Variants in SCUBE1 observed in about 807,000 individuals in gnomAD.
SCUBE1 encodes signal peptide, CUB domain and EGF like domain containing 1, also known as signal peptide, CUB and EGF-like domain-containing protein 1.
Under a neutral mutation model 124.4 loss-of-function variants are expected in SCUBE1, and 59 were observed. The ratio of observed to expected loss-of-function variants is 0.47; its 90% CI spans 0.38 to 0.59. The LOEUF is 0.59. SCUBE1 is among the 20% of genes least tolerant of loss of function. The pLI, the probability that SCUBE1 is intolerant of heterozygous loss-of-function variation, is 0.00. For synonymous variants in SCUBE1, 545 were observed against 550.9 expected (o/e 0.99, Z 0.15); for missense variants, 1,150 against 1,371.2 (o/e 0.84, Z 2.55).
At chr22:43,341,105 A>G (rs1297505850) in intron 1 of SCUBE1, among the ~76,000 whole-genome samples, 1 of 152,060 alleles carries the variant, frequency 6.6e-6, no homozygotes, top group Non-Finnish European at 1.5e-5. Context: ...ACACACATGC[A>G]TGCACGTGTG....
intron 8 of SCUBE1, among the ~76,000 whole-genome samples, chr22:43,231,112 TTCCTTGTGGTC>T (rs1922534446): frequency 6.6e-6 from 1 of 152,100 alleles, no homozygotes; most frequent in South Asian, 2.1e-4. Flanking sequence ...CCCCACCAAG[TTCCTTGTGGTC>T]CCCTAAACCT....
At chr22:43,333,232 A>G (rs1181420107) in intron 2 of SCUBE1, among the ~76,000 whole-genome samples, 1 of 152,186 alleles carries the variant, frequency 6.6e-6, no homozygotes, top group Non-Finnish European at 1.5e-5. Context: ...AGATTCAATC[A>G]AGAAAACAGT....
chr22:43,295,949 G>GC (rs1444983753), intron 3 of SCUBE1, among the ~76,000 whole-genome samples: 1 of 152,152 alleles, frequency 6.6e-6, no homozygotes, highest in Non-Finnish European at 1.5e-5. Flanking sequence ...CCTGGAGGAG[G>GC]CGGAGGTGTT....
intron 7 of SCUBE1, among the ~76,000 whole-genome samples, chr22:43,236,442 C>A (rs1922764660): frequency 1.3e-5 from 2 of 152,228 alleles, no homozygotes; most frequent in Admixed American, 1.3e-4. Context: ...AGCAGCTGTG[C>A]CTGGCTGTTG....
chr22:43,262,300 GA>G (rs1923900629), intron 5 of SCUBE1, among the ~76,000 whole-genome samples: 1 of 152,104 alleles, frequency 6.6e-6, no homozygotes, highest in Non-Finnish European at 1.5e-5. Flanking sequence ...TTTGGTCCCG[GA>G]AAAAAGGTCA....
chr22:43,301,340 A>G (rs141366233), intron 3 of SCUBE1, among the ~76,000 whole-genome samples: 2,011 of 151,902 alleles, frequency 0.013, 47 homozygotes, highest in African/African-American at 0.046. Flanking sequence ...CATAAACATG[A>G]ACTCCCTTTC....
intron 3 of SCUBE1, among the ~76,000 whole-genome samples, chr22:43,308,364 A>C (rs1926051804): frequency 1.3e-5 from 2 of 152,218 alleles, no homozygotes; most frequent in South Asian, 4.1e-4. Flanking sequence ...ATAACGAAAG[A>C]GACCAGGAAG....
chr22:43,339,217 T>G lies in SCUBE1; in HGVS notation c.107A>C (p.Glu36Ala), dbSNP rs753778079. The change falls in exon 2 of 22, where the codon GAG becomes GCG. Residue 36 changes from glutamate to alanine, a missense_variant. Coordinates refer to ENST00000360835, the MANE Select transcript of SCUBE1 (RefSeq NM_173050.5). ...GCAGTCATCTGTGCCCTCTGAGCACTCATCCACGTCGACTGACCCTGTGGG... is the reference window on the plus strand; with the variant it reads ...GCAGTCATCTGTGCCCTCTGAGCACGCATCCACGTCGACTGACCCTGTGGG... ...SGLPGSVDVD[E>A]CSEGTDDCHI... The G allele has an allele frequency of 3.1e-6, 5 of 1,613,552 alleles. No homozygotes were observed. In the Admixed American group the frequency reaches 5.0e-5, roughly 16 times the overall value.
rs75035182 is a variant in SCUBE1, at chr22:43,271,637, C to T, written c.485-8792G>A. Among the ~76,000 whole-genome samples, 3,999 of 152,244 alleles carry T rather than the reference C, an allele frequency of 0.026. 304 individuals are homozygous for T. The East Asian group carries it at 0.31, about 12-fold the overall frequency. On this transcript the variant is annotated intron_variant, in intron 4 of 21. Transcript: ENST00000360835. The stretch of plus-strand genomic sequence containing the variant: ...TAGAAACACACGGCTCTGCCTTCCA[C>T]CCTGTATCCCCCAGATTACATTCTC...
chr22:43,237,070 C>T (rs1287916731), intron 7 of SCUBE1, among the ~76,000 whole-genome samples: 2 of 151,180 alleles, frequency 1.3e-5, no homozygotes, highest in African/African-American at 4.9e-5. Context: ...GGTGAAAGGG[C>T]CCCGACCGCT....
intron 10 of SCUBE1, 87 bp downstream of exon 10, chr22:43,227,287 G>C (rs1467622464): frequency 6.2e-6 from 9 of 1,463,076 alleles, no homozygotes; most frequent in Non-Finnish European, 8.3e-6. Context: ...GGGCTGTCCT[G>C]CTCACCCCCA....
intron 2 of SCUBE1, among the ~76,000 whole-genome samples, chr22:43,321,539 T>G (rs951973050): frequency 6.6e-6 from 1 of 152,162 alleles, no homozygotes; most frequent in Non-Finnish European, 1.5e-5. Context: ...ACAGCAGAAG[T>G]GAACGCGCCA....
chr22:43,319,363 G>C (rs536856404), intron 3 of SCUBE1, among the ~76,000 whole-genome samples: 2 of 152,010 alleles, frequency 1.3e-5, no homozygotes, highest in East Asian at 3.9e-4. Flanking sequence ...TCAGTAGCTC[G>C]AGACCAGCCT....
rs1447407345 is a variant in SCUBE1 at position 43,198,637 on chromosome 22, T to C, written c.*5360A>G. 2.2e-6 allele frequency: 1 copy of C among 456,740 alleles called. No homozygotes were observed. Among genetic ancestry groups the C allele is most frequent in the African/African-American group, 2.0e-5 (1 of 50,210 alleles). 28.3% of individuals were successfully genotyped at this position (456,740 alleles called of 1,614,324 possible). A position where few individuals can be genotyped will look rare whatever the true frequency, so the allele number is the denominator to read the frequency against. On this transcript the variant is annotated 3_prime_UTR_variant, in exon 22 of 22. Coordinates refer to ENST00000360835, the MANE Select transcript of SCUBE1 (RefSeq NM_173050.5). ...TCGGCATGGACACCTTGTGCATCTT[T>C]GGTGAAAAGGGACCTCAATGTCAGG...
chr22:43,289,748 C>A (rs113202866), intron 4 of SCUBE1, among the ~76,000 whole-genome samples: 2 of 152,164 alleles, frequency 1.3e-5, no homozygotes, highest in Non-Finnish European at 1.5e-5. Flanking sequence ...ATTTTGCAGG[C>A]GAGGAATCTG....
In SCUBE1 at chr22:43,234,986, A is replaced by T. The variant is rs1467862214; in HGVS notation, c.845-3111T>A. 6.6e-6 allele frequency among the ~76,000 whole-genome samples: 1 copy of T among 152,116 alleles called. No homozygotes were observed. The highest frequency in any genetic ancestry group is 1.5e-5 in the Non-Finnish European group (1 of 68,022). On this transcript the variant is annotated intron_variant, in intron 7 of 21. Transcript: ENST00000360835. The surrounding 1 kb of genome is among the most constrained non-coding windows in gnomAD (Gnocchi z 4.4). Reference sequence around the variant, plus strand: ...CCCTGGGAAAAACGGCCCTTCCAGAAAGCCTTTCCCAGTGTTTTTCCAGAG... The same window carrying T: ...CCCTGGGAAAAACGGCCCTTCCAGATAGCCTTTCCCAGTGTTTTTCCAGAG...
intron 2 of SCUBE1, among the ~76,000 whole-genome samples, chr22:43,322,836 A>G (rs1479106124): frequency 6.6e-6 from 1 of 152,238 alleles, no homozygotes; most frequent in South Asian, 2.1e-4. Context: ...CTTGGGTAAA[A>G]GAAGTTTCTC....
chr22:43,328,459 A>C (rs913038029), intron 2 of SCUBE1, among the ~76,000 whole-genome samples: 2 of 152,180 alleles, frequency 1.3e-5, no homozygotes, highest in Non-Finnish European at 2.9e-5. Context: ...GGGCTGCTCC[A>C]TAGGCCCAGC....
chr22:43,276,623 C>T (rs12484747), intron 4 of SCUBE1, among the ~76,000 whole-genome samples: 47,667 of 152,144 alleles, frequency 0.31, 8,017 homozygotes, highest in East Asian at 0.44. Flanking sequence ...GGCATCTGCC[C>T]GGTGGTTTCC....
Sources: allele counts gnomAD v4.1 joint callset (sites outside exome capture counted in the v4.1 genomes callset), GRCh38; gene constraint gnomAD v4.1.1; non-coding constraint Gnocchi (gnomAD v3.1); transcripts MANE v1.5; gene names NCBI Gene and HGNC (gene_info 2026-07-23, HGNC 2026-07-21).